NOL4: variants seen among roughly 807,000 people sequenced by gnomAD.
NOL4 encodes the protein cancer/testis antigen 125.
In NOL4, 17 loss-of-function variants were observed where a neutral mutation model predicts 75.9. The ratio of observed to expected loss-of-function variants is 0.22; its 90% CI spans 0.15 to 0.34. The LOEUF (loss-of-function observed/expected upper bound fraction) is 0.34, where lower values mean the gene tolerates loss of function less well. NOL4 is among the 10% of genes least tolerant of loss of function. The pLI, the probability that NOL4 is intolerant of heterozygous loss-of-function variation, is 1.00. For missense variants in NOL4, 614 were observed against 793.5 expected (o/e 0.77, Z 2.72); for synonymous variants, 292 against 289.9 (o/e 1.01, Z -0.07).
chr18:34,094,155 A>G (rs1198441504), intron 4 of NOL4, among the ~76,000 whole-genome samples: 1 of 152,250 alleles, frequency 6.6e-6, no homozygotes, highest in Non-Finnish European at 1.5e-5. Flanking sequence ...ACTTTCTAAA[A>G]GAGTTAATCA....
Position 33,852,614 on chromosome 18 carries a change from C to T in NOL4, c.*228G>A, listed in dbSNP as rs941053975. ...TGATATTTATGGTGACACACTAAAA[C>T]AAAAAGCAATAGGCTGGACATACTA... On this transcript the variant is annotated 3_prime_UTR_variant, in exon 11 of 11. Coordinates refer to ENST00000261592, the MANE Select transcript of NOL4 (RefSeq NM_003787.5). The T allele has an allele frequency of 3.5e-5, 13 of 375,480 alleles. No homozygotes were observed. Among genetic ancestry groups the T allele is most frequent in the African/African-American group, 2.7e-4 (13 of 47,816 alleles). 23.3% of individuals were successfully genotyped at this position (375,480 alleles called of 1,614,324 possible).
intron 6 of NOL4, among the ~76,000 whole-genome samples, chr18:33,986,185 G>C (rs2072438353): frequency 2.0e-5 from 3 of 152,042 alleles, no homozygotes; most frequent in Non-Finnish European, 4.4e-5. Context: ...TTATGAATTT[G>C]AAAGTAATAT....
intron 10 of NOL4, among the ~76,000 whole-genome samples, chr18:33,873,800 A>G (rs1485197973): frequency 6.6e-6 from 1 of 152,034 alleles, no homozygotes; most frequent in African/African-American, 2.4e-5. Flanking sequence ...TGCATAGTCT[A>G]TAGAAAGCAG....
intron 1 of NOL4, among the ~76,000 whole-genome samples, chr18:34,138,959 G>C (rs1246352769): frequency 6.6e-6 from 1 of 152,150 alleles, no homozygotes; most frequent in Non-Finnish European, 1.5e-5. Flanking sequence ...CTTTGGTTCT[G>C]TTTATATGCT....
chr18:34,140,636 T>G (rs532987646), intron 1 of NOL4, among the ~76,000 whole-genome samples: 1 of 152,182 alleles, frequency 6.6e-6, no homozygotes, highest in Non-Finnish European at 1.5e-5. Context: ...TGTATCCAAT[T>G]TGCCAGTCTG....
chr18:33,989,622 A>G (rs1233388605), intron 6 of NOL4, among the ~76,000 whole-genome samples: 1 of 152,086 alleles, frequency 6.6e-6, no homozygotes, highest in Non-Finnish European at 1.5e-5. Flanking sequence ...CAAAGATTGA[A>G]GCCAAATATT....
intron 8 of NOL4, 93 bp from the exon 9 acceptor site, chr18:33,943,271 C>A: frequency 1.3e-6 from 1 of 755,140 alleles, no homozygotes; most frequent in Admixed American, 2.4e-5. Context: ...GGATCATCAA[C>A]ATGTGCAGGA....
chr18:34,104,937 G>C (rs559077225), intron 3 of NOL4, 112 bp downstream of exon 3: 2 of 628,292 alleles, frequency 3.2e-6, no homozygotes, highest in East Asian at 2.8e-5. Flanking sequence ...TAAATGAGAT[G>C]ATCTGACTTG....
chr18:34,135,341 T>C (rs980356631), intron 1 of NOL4, among the ~76,000 whole-genome samples: 7 of 152,104 alleles, frequency 4.6e-5, no homozygotes, highest in Non-Finnish European at 1.0e-4. Context: ...CTTAAATTAT[T>C]GATAATGGCT....
At chr18:34,056,605 T>C (rs2076843772) in intron 5 of NOL4, among the ~76,000 whole-genome samples, 7 of 152,152 alleles carry the variant, frequency 4.6e-5, no homozygotes. Context: ...CAAACCAGAA[T>C]ATCTGACTCA....
At chr18:33,878,422 A>G (rs186787794) in intron 10 of NOL4, among the ~76,000 whole-genome samples, 532 of 152,240 alleles carry the variant, frequency 3.5e-3, no homozygotes, top group South Asian at 8.5e-3. Flanking sequence ...AAAGTGGGTC[A>G]TGAAGTGTTT....
At chr18:34,098,125 C>A (rs1470303403) in intron 4 of NOL4, among the ~76,000 whole-genome samples, 1 of 152,148 alleles carries the variant, frequency 6.6e-6, no homozygotes. Context: ...CCCCTCCCCA[C>A]TGCCCCTTAC....
At chr18:33,951,792 C>T (rs2069244219) in intron 8 of NOL4, among the ~76,000 whole-genome samples, 1 of 151,988 alleles carries the variant, frequency 6.6e-6, no homozygotes, top group African/African-American at 2.4e-5. Flanking sequence ...TCCTGAAAGT[C>T]GTATTAGGTT....
In NOL4 at chr18:33,851,739, A is replaced by G. The variant is rs868723957; in HGVS notation, c.*1103T>C. The G allele has an allele frequency of 6.6e-5, 10 of 152,512 alleles. No homozygotes were observed. The highest frequency in any genetic ancestry group is 5.2e-4 in the Admixed American group (8 of 15,250). The allele number at this position is 152,512 out of a possible 1,614,324, so 9.4% of individuals were successfully genotyped here. On this transcript the variant is annotated 3_prime_UTR_variant, in exon 11 of 11. Coordinates refer to ENST00000261592, the MANE Select transcript of NOL4 (RefSeq NM_003787.5). ...GGATAGGAGGGCACAGTTCATTGTA[A>G]GTTGCAGCTGCATCCGCTGAGAGTT...
At chr18:34,016,198 T>C (rs1600258995) in intron 6 of NOL4, among the ~76,000 whole-genome samples, 1 of 152,216 alleles carries the variant, frequency 6.6e-6, no homozygotes, top group East Asian at 1.9e-4. Context: ...TTCAGTAATT[T>C]TTTGTACTAT....
chr18:33,873,253 T>C (rs1393294666), intron 10 of NOL4, among the ~76,000 whole-genome samples: 3 of 150,366 alleles, frequency 2.0e-5, no homozygotes, highest in Non-Finnish European at 4.4e-5. Context: ...TTTATGTGTT[T>C]TTCACACAAA....
At chr18:34,054,651 C>A (rs955553862) in intron 5 of NOL4, among the ~76,000 whole-genome samples, 7 of 151,688 alleles carry the variant, frequency 4.6e-5, no homozygotes, top group African/African-American at 1.7e-4. Context: ...TTTTTTAAAT[C>A]CATTCAGCAA....
chr18:34,176,232 C>T (rs913935311), intron 1 of NOL4, among the ~76,000 whole-genome samples: 6 of 151,610 alleles, frequency 4.0e-5, no homozygotes, highest in African/African-American at 7.3e-5. Context: ...TATTTGAACA[C>T]GAAGAAGGAA....
intron 6 of NOL4, among the ~76,000 whole-genome samples, chr18:33,963,153 G>A (rs2070290194): frequency 6.6e-6 from 1 of 152,080 alleles, no homozygotes. Flanking sequence ...GTGAAGCCAA[G>A]TTACTTAATT....
Sources: gnomAD v4.1 joint callset for allele counts (sites outside exome capture counted in the v4.1 genomes callset) on GRCh38, gnomAD v4.1.1 for gene constraint, MANE v1.5 for transcripts, NCBI Gene and HGNC (gene_info 2026-07-23, HGNC 2026-07-21) for gene names.